Variants in ANK2 observed in about 807,000 individuals in gnomAD.
The protein encoded by ANK2 is ankyrin 2.
ANK2 carries 83 observed loss-of-function variants against 360.5 expected under a neutral mutation model. That is an observed-to-expected ratio of 0.23 (90% CI 0.19 to 0.28). ANK2 has a LOEUF of 0.28. Ranked by LOEUF, ANK2 falls within the 10% of genes least tolerant of loss-of-function variation. The pLI is 1.00. For synonymous variants in ANK2, 1,740 were observed against 1,759.5 expected, an observed-to-expected ratio of 0.99 and a Z score of 0.28; for missense variants, 4,201 against 4,795.7, an observed-to-expected ratio of 0.88 and a Z score of 3.66.
intron 1 of ANK2, chr4:112,826,419 C>G (rs182923809): frequency 9.7e-7 from 1 of 1,035,548 alleles, no homozygotes; most frequent in East Asian, 2.4e-5. Flanking sequence ...ACTTTCCCTA[C>G]CAGCAGTAAC....
At chr4:113,038,061 CT>C (rs2061991918) in intron 2 of ANK2, among the ~76,000 whole-genome samples, 1 of 151,886 alleles carries the variant, frequency 6.6e-6, no homozygotes, top group South Asian at 2.1e-4. Context: ...TTATGATATA[CT>C]TTTGTTTCAT....
chr4:112,744,797 C>A, the ANK2 span, among the ~76,000 whole-genome samples: 1 of 152,182 alleles, frequency 6.6e-6, no homozygotes, highest in African/African-American at 2.4e-5. Flanking sequence ...CAAATACTTG[C>A]CAACATTAAG....
intron 2 of ANK2, among the ~76,000 whole-genome samples, chr4:113,036,990 T>C (rs2061749538): frequency 6.6e-6 from 1 of 151,966 alleles, no homozygotes. Flanking sequence ...CCTGTACACA[T>C]TACTTTAATT....
At chr4:112,761,757 CA>C in the ANK2 span, among the ~76,000 whole-genome samples, 1 of 152,226 alleles carries the variant, frequency 6.6e-6, no homozygotes, top group African/African-American at 2.4e-5. Context: ...TATACTTCTT[CA>C]CTTACCATAC....
intron 4 of ANK2, among the ~76,000 whole-genome samples, chr4:113,222,625 G>T (rs1234558160): frequency 2.6e-5 from 4 of 152,010 alleles, no homozygotes; most frequent in African/African-American, 9.7e-5. Flanking sequence ...CTCACCACTT[G>T]GTGTCTCCTT....
At chr4:113,097,568 C>T (rs2154357336) in intron 1 of ANK2, among the ~76,000 whole-genome samples, 1 of 152,152 alleles carries the variant, frequency 6.6e-6, no homozygotes, top group East Asian at 1.9e-4. Context: ...GAAAAAGCTA[C>T]TGCTTTTGGT....
In ANK2 at chr4:113,336,681, A is replaced by G; in HGVS notation, c.3696A>G (p.Pro1232=). The change falls in exon 31 of 46, where the codon CCA becomes CCG. Residue 1232 remains proline (P), a synonymous_variant. Transcript: ENST00000357077. The part of the protein sequence containing the change: ...LEPRRRKFHK[P]ITMTIPVPKA... ...CTAGAAGAAGAAAATTCCACAAACC[A>G]ATTACCATGACCATTCCTGTCCCCA... 1 of 1,614,138 alleles carries G rather than the reference A, an allele frequency of 6.2e-7. No individual in the cohort carries two copies. Among genetic ancestry groups the G allele is most frequent in the South Asian group, 1.1e-5 (1 of 91,082 alleles).
At chr4:112,730,332 A>G in the ANK2 span, among the ~76,000 whole-genome samples, 1 of 151,394 alleles carries the variant, frequency 6.6e-6, no homozygotes, top group Non-Finnish European at 1.5e-5. Flanking sequence ...TAATAACAAT[A>G]TATTGTACAT....
intron 1 of ANK2, chr4:112,881,626 C>A: frequency 2.9e-6 from 1 of 350,450 alleles, no homozygotes. Context: ...TACATTAAAA[C>A]TCTTTGTTGG....
chr4:112,906,463 T>A (rs2085267569), intron 2 of ANK2, among the ~76,000 whole-genome samples: 1 of 152,170 alleles, frequency 6.6e-6, no homozygotes, highest in Non-Finnish European at 1.5e-5. Context: ...TGAGAGAGTC[T>A]TGAACATGTT....
At chr4:113,361,386 G>A (rs2096212697) in intron 39 of ANK2, among the ~76,000 whole-genome samples, 1 of 151,986 alleles carries the variant, frequency 6.6e-6, no homozygotes, top group Non-Finnish European at 1.5e-5. Flanking sequence ...GAGTGTTTAA[G>A]TATAGAAATT....
chr4:112,738,327 G>A, the ANK2 span, among the ~76,000 whole-genome samples: 3 of 150,800 alleles, frequency 2.0e-5, no homozygotes, highest in South Asian at 2.1e-4. Flanking sequence ...CCAGAGAATC[G>A]CTTGAACCAG....
intron 10 of ANK2, among the ~76,000 whole-genome samples, chr4:113,250,328 G>C (rs185460571): frequency 3.9e-5 from 6 of 152,324 alleles, no homozygotes; most frequent in Non-Finnish European, 5.9e-5. Flanking sequence ...GGCATTGGTT[G>C]ATTATGTTGA....
At chr4:113,249,016 G>A (rs539698275) in intron 9 of ANK2, among the ~76,000 whole-genome samples, 1 of 152,232 alleles carries the variant, frequency 6.6e-6, no homozygotes, top group East Asian at 1.9e-4. Flanking sequence ...GGGCACTTGG[G>A]GATTGCTCTG....
At chr4:112,804,861 C>T in the ANK2 span, among the ~76,000 whole-genome samples, 1 of 151,726 alleles carries the variant, frequency 6.6e-6, no homozygotes, top group Non-Finnish European at 1.5e-5. Context: ...ACTCTGGAGG[C>T]TGAGGCGGGA....
intron 26 of ANK2, among the ~76,000 whole-genome samples, chr4:113,319,789 A>T (rs1220057579): frequency 6.6e-6 from 1 of 152,152 alleles, no homozygotes; most frequent in African/African-American, 2.4e-5. Context: ...TGCTTTTTTA[A>T]AAAAAGAAAG....
At chr4:112,989,763 AT>A (rs1400978621) in intron 2 of ANK2, among the ~76,000 whole-genome samples, 1 of 152,238 alleles carries the variant, frequency 6.6e-6, no homozygotes, top group East Asian at 1.9e-4. Context: ...AAGCCAATAT[AT>A]AGTTGGCTTA....
intron 2 of ANK2, among the ~76,000 whole-genome samples, chr4:112,969,937 A>G (rs761993535): frequency 4.6e-5 from 7 of 152,160 alleles, no homozygotes; most frequent in Non-Finnish European, 1.0e-4. Flanking sequence ...CCCCTGTCAT[A>G]TATATTGTTT....
At chr4:112,777,377 T>C in the ANK2 span, among the ~76,000 whole-genome samples, 1 of 151,960 alleles carries the variant, frequency 6.6e-6, no homozygotes, top group Non-Finnish European at 1.5e-5. Context: ...TAGCTGGGAC[T>C]ACAGACACCT....
Sources: gnomAD v4.1 joint callset for allele counts (sites outside exome capture counted in the v4.1 genomes callset) on GRCh38, gnomAD v4.1.1 for gene constraint, MANE v1.5 for transcripts, NCBI Gene and HGNC (gene_info 2026-07-23, HGNC 2026-07-21) for gene names.